DCLRE1A: variants seen among roughly 807,000 people sequenced by gnomAD.
The protein encoded by DCLRE1A is DNA cross-link repair 1A protein.
DCLRE1A carries 64 observed loss-of-function variants against 91.9 expected under a neutral mutation model. That is an observed-to-expected ratio of 0.70 (90% CI 0.57 to 0.86). The LOEUF is 0.86. Ranked by LOEUF, DCLRE1A falls within the 40% of genes least tolerant of loss-of-function variation. The pLI, the probability that DCLRE1A is intolerant of heterozygous loss-of-function variation, is 0.00. For missense variants in DCLRE1A, 1,145 were observed against 1,213.3 expected (o/e 0.94, Z 0.84); for synonymous variants, 416 against 431.1 (o/e 0.96, Z 0.43).
intron 6 of DCLRE1A, among the ~76,000 whole-genome samples, chr10:113,842,114 A>G (rs908108823): frequency 2.0e-5 from 3 of 152,238 alleles, no homozygotes; most frequent in Admixed American, 6.5e-5. Flanking sequence ...TAAATTTCTT[A>G]TATCTAGAAA....
chr10:113,843,469 T>C (rs530716332), intron 5 of DCLRE1A, among the ~76,000 whole-genome samples: 15 of 152,338 alleles, frequency 9.8e-5, no homozygotes, highest in African/African-American at 3.1e-4. Flanking sequence ...TACTAAAATA[T>C]TGCATCCAAA....
At chr10:113,841,355 T>A in intron 7 of DCLRE1A, 51 bp downstream of exon 7, 1 of 1,579,958 alleles carries the variant, frequency 6.3e-7, no homozygotes, top group Non-Finnish European at 8.6e-7. Flanking sequence ...CTTAAAATAA[T>A]CAGATTACCT....
chr10:113,851,510 C>T (rs1845650154), intron 1 of DCLRE1A, among the ~76,000 whole-genome samples: 1 of 151,978 alleles, frequency 6.6e-6, no homozygotes, highest in Non-Finnish European at 1.5e-5. Flanking sequence ...ATCACAACAA[C>T]CTGTTCTCCA....
At chr10:113,850,934 C>A (rs1845639945) in intron 1 of DCLRE1A, among the ~76,000 whole-genome samples, 1 of 152,046 alleles carries the variant, frequency 6.6e-6, no homozygotes, top group Non-Finnish European at 1.5e-5. Context: ...CTTGGTATAT[C>A]CCTGTGTATG....
intron 1 of DCLRE1A, among the ~76,000 whole-genome samples, chr10:113,851,452 T>G (rs758668221): frequency 6.6e-6 from 1 of 152,088 alleles, no homozygotes; most frequent in Non-Finnish European, 1.5e-5. Flanking sequence ...TTTTTCAGAT[T>G]AAAAAAATCC....
chr10:113,844,923 C>T (rs760699290), intron 4 of DCLRE1A, among the ~76,000 whole-genome samples: 10 of 143,962 alleles, frequency 6.9e-5, no homozygotes, highest in Non-Finnish European at 1.2e-4. Context: ...GCAAAAAAAG[C>T]GAAACTCTGT....
At chr10:113,843,703 A>G (rs1368420097) in intron 5 of DCLRE1A, among the ~76,000 whole-genome samples, 2 of 152,236 alleles carry the variant, frequency 1.3e-5, no homozygotes, top group African/African-American at 2.4e-5. Flanking sequence ...TATCTTTTTA[A>G]GAAAAGAACA....
intron 1 of DCLRE1A, 127 bp from the exon 2 acceptor site, chr10:113,850,771 T>A: frequency 1.5e-6 from 1 of 673,384 alleles, no homozygotes; most frequent in Non-Finnish European, 2.3e-6. Flanking sequence ...GCAACAATTT[T>A]AATAAGATTA....
chr10:113,853,349 G>C lies in DCLRE1A; in HGVS notation c.-167C>G, dbSNP rs1374389004. ...CTGCAGTGTTGGTAATGAACATATT[G>C]GCAAGCTACAAACCTTGTACCTGAC... is the stretch of plus-strand genomic sequence containing the variant. On this transcript the variant is annotated 5_prime_UTR_variant, in exon 1 of 9. Transcript: ENST00000361384. The C allele has an allele frequency of 1.6e-6, 1 of 617,416 alleles. No homozygotes were observed. Among genetic ancestry groups the C allele is most frequent in the Non-Finnish European group, 2.7e-6 (1 of 371,998 alleles). 38.2% of individuals were successfully genotyped at this position (617,416 alleles called of 1,614,324 possible). A position where few individuals can be genotyped will look rare whatever the true frequency, so the allele number is the denominator to read the frequency against.
At chr10:113,844,425 A>C (rs531051031) in intron 4 of DCLRE1A, among the ~76,000 whole-genome samples, 181 bp from the exon 5 acceptor site, 1 of 152,366 alleles carries the variant, frequency 6.6e-6, no homozygotes, top group South Asian at 2.1e-4. Context: ...ACTGGTGTGC[A>C]GGAAAGGCAG....
At chr10:113,840,619 T>G (rs896445927) in intron 7 of DCLRE1A, among the ~76,000 whole-genome samples, 7 of 152,110 alleles carry the variant, frequency 4.6e-5, no homozygotes, top group Non-Finnish European at 7.4e-5. Flanking sequence ...CAAGCAACCC[T>G]CCTCCCTTTG....
chr10:113,851,010 A>T (rs2134671013), intron 1 of DCLRE1A, among the ~76,000 whole-genome samples: 1 of 152,308 alleles, frequency 6.6e-6, no homozygotes, highest in Middle Eastern at 3.4e-3. Context: ...TATTTGTTAT[A>T]TTAAATTAGA....
At position 113,849,029 on chromosome 10, in the gene DCLRE1A, A is replaced by G. The variant is rs765150086; in HGVS notation, c.2076T>C (p.Asn692=). The G allele has an allele frequency of 2.4e-5, 39 of 1,614,010 alleles. No homozygotes were observed. The highest frequency in any genetic ancestry group is 1.8e-4 in the South Asian group (16 of 91,088). ...RGNKKIPESS[N]VGGSRKKTCP... ...ATGTCTTTTTTCTTGATCCTCCTAC[A>G]TTAGATGACTCTGGGATTTTCTTGT... The change falls in exon 2 of 9, where the codon AAT becomes AAC. Residue 692 remains asparagine (N), a synonymous_variant. Coordinates refer to ENST00000361384, the MANE Select transcript of DCLRE1A (RefSeq NM_014881.5).
chr10:113,843,518 A>C (rs1356690659), intron 5 of DCLRE1A, among the ~76,000 whole-genome samples: 2 of 152,218 alleles, frequency 1.3e-5, no homozygotes, highest in African/African-American at 4.8e-5. Context: ...GGTTAAGATA[A>C]TTTCTAACAA....
At position 113,849,051 on chromosome 10, in the gene DCLRE1A, T is replaced by C. The variant is rs1845591394; in HGVS notation, c.2054A>G (p.Lys685Arg). 1 of 1,614,066 alleles carries C rather than the reference T, an allele frequency of 6.2e-7. No individual in the cohort carries two copies. Among genetic ancestry groups the C allele is most frequent in the African/African-American group, 1.3e-5 (1 of 74,936 alleles). Reference protein sequence around the residue: ...SAHGGLQRGNKKIPESSNVGG... With the variant: ...SAHGGLQRGNRKIPESSNVGG... ...TACATTAGATGACTCTGGGATTTTC[T>C]TGTTGCCCCTTTGCAGCCCACCATG... The change falls in exon 2 of 9, where the codon AAG (lysine) becomes AGG (arginine). Residue 685 changes from lysine to arginine, a missense_variant. Physicochemically the swap from Lys to Arg is conservative, Grantham distance 26. Transcript: ENST00000361384.
At chr10:113,836,812 G>A (rs1170428071) in intron 8 of DCLRE1A, among the ~76,000 whole-genome samples, 1 of 152,014 alleles carries the variant, frequency 6.6e-6, no homozygotes, top group African/African-American at 2.4e-5. Context: ...TTAATTCTGC[G>A]ATTTCCTCTC....
Position 113,850,283 on chromosome 10 carries a change from A to G in DCLRE1A, c.822T>C (p.Ala274=), listed in dbSNP as rs763133163. 1.2e-6 allele frequency: 2 copies of G among 1,614,228 alleles called. No individual in the cohort carries two copies. The highest frequency in any genetic ancestry group is 2.2e-5 in the South Asian group (2 of 91,086). Residue 274 remains alanine (A), a synonymous_variant, in exon 2 of 9, where the codon GCT becomes GCC. Coordinates refer to ENST00000361384, the MANE Select transcript of DCLRE1A (RefSeq NM_014881.5). ...GTTCTGAGTTGTTTGCAAGACGCAA[A>G]GCAACTCCCACTAGTTTGTCATTCT... ...FVENDKLVGV[A]LRLANNSEHI... is the part of the protein sequence containing the mutation.
intron 6 of DCLRE1A, among the ~76,000 whole-genome samples, chr10:113,842,112 T>C (rs1845454387): frequency 6.6e-6 from 1 of 152,232 alleles, no homozygotes; most frequent in Admixed American, 6.5e-5. Context: ...TATAAATTTC[T>C]TATATCTAGA....
chr10:113,836,396 TGAA>T (rs1845363566), intron 8 of DCLRE1A, among the ~76,000 whole-genome samples: 1 of 151,796 alleles, frequency 6.6e-6, no homozygotes. Flanking sequence ...GAGTCAAATG[TGAA>T]GAATAACAAG....
Sources: gnomAD v4.1 joint callset for allele counts (sites outside exome capture counted in the v4.1 genomes callset) on GRCh38, gnomAD v4.1.1 for gene constraint, MANE v1.5 for transcripts, NCBI Gene and HGNC (gene_info 2026-07-23, HGNC 2026-07-21) for gene names.